The following ATP4B variants were observed in gnomAD, a reference collection of about 807,000 sequenced individuals.
ATP4B encodes potassium-transporting ATPase subunit beta.
ATP4B carries 27 observed loss-of-function variants against 35.3 expected under a neutral mutation model. That is an observed-to-expected ratio of 0.76 (90% CI 0.56 to 1.05). The LOEUF is 1.05. Among genes scored for constraint, ATP4B ranks in the 50% least tolerant of loss-of-function variants. ATP4B has a pLI of 0.00. For missense variants in ATP4B, 375 were observed against 384.8 expected, an observed-to-expected ratio of 0.97 and a Z score of 0.21; for synonymous variants, 162 against 156.0, an observed-to-expected ratio of 1.04 and a Z score of -0.29.
Position 113,653,092 on chromosome 13 carries a change from C to A in ATP4B, c.356-20G>T. ...AGTAGCCTGCAGACGGACGCACCTG[C>A]CAGCCCTGTCCTGCCCTGGCCCTGA... On this transcript the variant is annotated intron_variant, in intron 3 of 6. Transcript: ENST00000335288. The A allele has an allele frequency of 6.3e-7, 1 of 1,598,668 alleles. No homozygotes were observed. The highest frequency in any genetic ancestry group is 8.5e-7 in the Non-Finnish European group (1 of 1,169,860).
At chr13:113,653,493 A>G in intron 2 of ATP4B, 59 bp from the exon 3 acceptor site, 1 of 1,489,766 alleles carries the variant, frequency 6.7e-7, no homozygotes, top group Non-Finnish European at 9.3e-7. Flanking sequence ...TTAAGCCATC[A>G]GTTCTGAAGT....
At chr13:113,651,648 GC>G in intron 5 of ATP4B, 22 bp downstream of exon 5, 1 of 1,588,322 alleles carries the variant, frequency 6.3e-7, no homozygotes, top group Non-Finnish European at 8.6e-7. Flanking sequence ...GGGCAGCCCT[GC>G]CCGCCGCGCG....
chr13:113,654,950 A>T lies in ATP4B; in HGVS notation c.113-8T>A. On this transcript the variant is annotated splice_region_variant and splice_polypyrimidine_tract_variant and intron_variant, in intron 1 of 6. Coordinates refer to ENST00000335288, the MANE Select transcript of ATP4B (RefSeq NM_000705.4). ...AGTACAGGCTGATCCACACTGCGAC[A>T]CAAGGCAGGCACAAAATTTACCACG... is the stretch of plus-strand genomic sequence containing the variant. 1 of 1,613,732 alleles carries T rather than the reference A, an allele frequency of 6.2e-7. No individual in the cohort carries two copies. Among genetic ancestry groups the T allele is most frequent in the Non-Finnish European group, 8.5e-7 (1 of 1,179,810 alleles).
chr13:113,655,106 A>G lies in ATP4B; in HGVS notation c.113-164T>C, dbSNP rs550184714. Among the ~76,000 whole-genome samples the G allele has an allele frequency of 2.0e-4, 30 of 152,220 alleles. 1 individual carries two copies. In the South Asian group the frequency reaches 6.2e-3, roughly 32 times the overall value. ...AACCCCGTCCCCACAAACAGTCACT[A>G]CAATCCCCTCCCAGCGCCGCACCAC... On this transcript the variant is annotated intron_variant, in intron 1 of 6. Transcript: ENST00000335288.
intron 2 of ATP4B, 116 bp from the exon 3 acceptor site, chr13:113,653,550 G>A (rs548662765): frequency 3.5e-5 from 27 of 775,334 alleles, no homozygotes; most frequent in African/African-American, 2.1e-4. Flanking sequence ...GAGCCTCCTC[G>A]GAGTAAACTG....
intron 2 of ATP4B, 61 bp downstream of exon 2, chr13:113,654,753 A>G: frequency 6.4e-7 from 1 of 1,574,586 alleles, no homozygotes; most frequent in South Asian, 1.2e-5. Context: ...GCGTCTCCAG[A>G]GCCGAGGAGG....
intron 1 of ATP4B, among the ~76,000 whole-genome samples, chr13:113,656,134 G>A (rs888805641): frequency 6.6e-5 from 10 of 152,332 alleles, no homozygotes; most frequent in East Asian, 1.9e-4. Context: ...TGTGGGGCCC[G>A]CAGTGGTGGA....
intron 1 of ATP4B, among the ~76,000 whole-genome samples, chr13:113,657,058 G>T (rs367705712): frequency 6.6e-6 from 1 of 152,244 alleles, no homozygotes; most frequent in Non-Finnish European, 1.5e-5. Flanking sequence ...CTTTGAGACC[G>T]TGGAGCCTCC....
rs762543096 is a variant in ATP4B at position 113,649,597 on chromosome 13, C to G, written c.715-62G>C. The G allele has an allele frequency of 1.1e-4, 165 of 1,441,626 alleles. No individual in the cohort carries two copies. The highest frequency in any genetic ancestry group is 2.5e-4 in the Admixed American group (9 of 35,336). 89.3% of individuals were successfully genotyped at this position (1,441,626 alleles called of 1,614,324 possible). On this transcript the variant is annotated intron_variant, in intron 6 of 6. Coordinates refer to ENST00000335288, the MANE Select transcript of ATP4B (RefSeq NM_000705.4). The surrounding 1 kb of genome is among the most constrained non-coding windows in gnomAD (Gnocchi z 4.7). The stretch of plus-strand genomic sequence containing the variant: ...AATCTCTGAAGTTAAGGAGAGAAAA[C>G]TAAGCAAGGAAGTGTCAACAGTCAG...
rs2049723079 is a variant in ATP4B at position 113,652,887 on chromosome 13, T to A, written c.541A>T (p.Ile181Phe). 7 of 1,614,212 alleles carry A rather than the reference T, an allele frequency of 4.3e-6. No homozygotes were observed. The highest frequency in any genetic ancestry group is 5.1e-6 in the Non-Finnish European group (6 of 1,180,036). The stretch of plus-strand genomic sequence containing the variant: ...TCAGTACTCACCCTGTTCATTTTAA[T>A]AATAAAACATGGCTTTCCTTCTTCA... ...GFEEGKPCFI[I>F]KMNRIVKFLP... The change falls in exon 4 of 7, where the codon ATT becomes TTT. Residue 181 changes from isoleucine to phenylalanine, a missense_variant. Coordinates refer to ENST00000335288, the MANE Select transcript of ATP4B (RefSeq NM_000705.4).
At chr13:113,653,135 G>A in intron 3 of ATP4B, 63 bp from the exon 4 acceptor site, 1 of 1,555,920 alleles carries the variant, frequency 6.4e-7, no homozygotes, top group Non-Finnish European at 8.7e-7. Flanking sequence ...CTGCCCCCCG[G>A]GAAGGCCTTG....
chr13:113,653,746 G>T (rs1327019398), intron 2 of ATP4B, among the ~76,000 whole-genome samples: 1 of 152,202 alleles, frequency 6.6e-6, no homozygotes, highest in Non-Finnish European at 1.5e-5. Flanking sequence ...CTGCACCTGG[G>T]TTTCTATGTA....
chr13:113,654,368 G>A (rs761857745), intron 2 of ATP4B, among the ~76,000 whole-genome samples: 30 of 152,354 alleles, frequency 2.0e-4, no homozygotes, highest in Non-Finnish European at 4.0e-4. Context: ...CTGCTGATGT[G>A]TAGGTGACCA....
At chr13:113,651,157 T>C (rs1447567743) in intron 5 of ATP4B, among the ~76,000 whole-genome samples, 1 of 151,738 alleles carries the variant, frequency 6.6e-6, no homozygotes, top group Non-Finnish European at 1.5e-5. Flanking sequence ...TGCCTTTGGG[T>C]GTCATGGTGG....
intron 1 of ATP4B, 21 bp downstream of exon 1, chr13:113,658,012 C>A: frequency 6.4e-7 from 1 of 1,571,040 alleles, no homozygotes. Flanking sequence ...TGCACCCAGC[C>A]GGCCCGCCCC....
chr13:113,653,849 A>G (rs946530422), intron 2 of ATP4B, among the ~76,000 whole-genome samples: 61 of 152,272 alleles, frequency 4.0e-4, no homozygotes, highest in African/African-American at 1.5e-3. Flanking sequence ...AAAACTGAAC[A>G]TCAGGATGCA....
At chr13:113,651,558 C>T (rs1449317412) in intron 5 of ATP4B, 113 bp downstream of exon 5, 8 of 1,243,478 alleles carry the variant, frequency 6.4e-6, no homozygotes, top group Non-Finnish European at 8.6e-6. Context: ...TTTACTGGGC[C>T]GACGGCTGAC....
rs1163446111 is a variant in ATP4B at position 113,653,081 on chromosome 13, G to A, written c.356-9C>T. ...GGCTGCTGGAGAGTAGCCTGCAGAC[G>A]GACGCACCTGCCAGCCCTGTCCTGC... On this transcript the variant is annotated splice_polypyrimidine_tract_variant and intron_variant, in intron 3 of 6. Transcript: ENST00000335288. 7.5e-6 allele frequency: 12 copies of A among 1,603,312 alleles called. No homozygotes were observed. The highest frequency in any genetic ancestry group is 2.2e-5 in the East Asian group (1 of 44,656).
intron 5 of ATP4B, among the ~76,000 whole-genome samples, chr13:113,651,377 G>A (rs1400688647): frequency 2.0e-5 from 3 of 152,214 alleles, no homozygotes; most frequent in African/African-American, 7.2e-5. Flanking sequence ...ACTGGTGGAA[G>A]GTGCACTGGT....
Sources: allele counts gnomAD v4.1 joint callset (sites outside exome capture counted in the v4.1 genomes callset), GRCh38; gene constraint gnomAD v4.1.1; non-coding constraint Gnocchi (gnomAD v3.1); transcripts MANE v1.5; gene names NCBI Gene and HGNC (gene_info 2026-07-23, HGNC 2026-07-21).